AGXT: variants seen among roughly 807,000 people sequenced by gnomAD.
AGXT encodes the protein L-alanine: glyoxylate aminotransferase 1.
A neutral mutation model predicts 46.9 loss-of-function variants in AGXT; 41 were observed. The ratio of observed to expected loss-of-function variants is 0.88; its 90% CI spans 0.68 to 1.14. The LOEUF is 1.14. Among genes scored for constraint, AGXT ranks in the 50% most tolerant of loss-of-function variants. AGXT has a pLI of 0.00. For synonymous variants in AGXT, 244 were observed against 227.9 expected (o/e 1.07, Z -0.64); for missense variants, 525 against 522.7 (o/e 1.00, Z -0.04).
At chr2:240,873,501 AGGGGC>A in intron 5 of AGXT, 1 of 258,436 alleles carries the variant, frequency 3.9e-6, no homozygotes, top group Non-Finnish European at 7.5e-6. Flanking sequence ...AGGCCGGCCG[AGGGGC>A]CAAGGAGCCT....
In AGXT at chr2:240,871,039, C is replaced by T. The variant is rs2058987962; in HGVS notation, c.424-310C>T. 8.7e-6 allele frequency: 5 copies of T among 577,278 alleles called. No homozygotes were observed. In the South Asian group the frequency reaches 1.0e-4, roughly 12 times the overall value. The allele number at this position is 577,278 out of a possible 1,614,324, so 35.8% of individuals were successfully genotyped here. ...GTCCCTGACACTCAGGATACCCCAC[C>T]CTGTGGGCTGAAGTCAACCTCAGCC... On this transcript the variant is annotated intron_variant, in intron 3 of 10. Transcript: ENST00000307503.
At chr2:240,874,958 AC>A in intron 6 of AGXT, 150 bp from the exon 7 acceptor site, 2 of 685,630 alleles carry the variant, frequency 2.9e-6, no homozygotes, top group South Asian at 3.2e-5. Flanking sequence ...ACCCGGTCCC[AC>A]TCTGGCCCCT....
rs1261880868 is a variant in AGXT, at chr2:240,876,020, T to C, written c.846+16T>C. The C allele has an allele frequency of 3.1e-6, 5 of 1,613,188 alleles. No homozygotes were observed. The Admixed American group carries it at 8.3e-5, about 27-fold the overall frequency. On this transcript the variant is annotated intron_variant, in intron 8 of 10. Transcript: ENST00000307503. ...TGCGGAACAGGTGCATGGGCTGCAC[T>C]CCACAGGAGGAGACAGGGCCACTGG...
rs180177247 is a variant in AGXT, at chr2:240,873,994, C to A, written c.612C>A (p.Tyr204Ter). Residue 204 changes from tyrosine (Y) to a stop codon, truncating the protein, a stop_gained, in exon 6 of 11, where the codon TAC (tyrosine) becomes TAA (stop). Coordinates refer to ENST00000307503, the MANE Select transcript of AGXT (RefSeq NM_000030.3). LOFTEE classifies it high-confidence loss of function. The part of the protein sequence containing the change: ...YMDRQGIDIL[Y>*]SGSQKALNAP... ...CATCTACAGGCATCGACATCCTGTA[C>A]TCGGGCTCCCAGAAGGCCCTGAACG... is the stretch of plus-strand genomic sequence containing the variant. 1 of 1,613,712 alleles carries A rather than the reference C, an allele frequency of 6.2e-7. No homozygotes were observed. Among genetic ancestry groups the A allele is most frequent in the Non-Finnish European group, 8.5e-7 (1 of 1,180,012 alleles).
rs2059022992 is a variant in AGXT at position 240,876,018 on chromosome 2, A to T, written c.846+14A>T. ...ATTGCGGAACAGGTGCATGGGCTGC[A>T]CTCCACAGGAGGAGACAGGGCCACT... On this transcript the variant is annotated intron_variant, in intron 8 of 10. Transcript: ENST00000307503. 1 of 1,613,332 alleles carries T rather than the reference A, an allele frequency of 6.2e-7. No homozygotes were observed. The highest frequency in any genetic ancestry group is 1.7e-5 in the Admixed American group (1 of 59,962).
At position 240,879,128 on chromosome 2, in the gene AGXT, G is replaced by A. The variant is rs2059044090; in HGVS notation, c.*307G>A. 2.0e-6 allele frequency: 1 copy of A among 495,872 alleles called. No individual in the cohort carries two copies. Among genetic ancestry groups the A allele is most frequent in the African/African-American group, 1.9e-5 (1 of 51,504 alleles). The allele number at this position is 495,872 out of a possible 1,614,324, so 30.7% of individuals were successfully genotyped here. ...CTGGCCAACTCTCCTCACTGTGTGG[G>A]GTGGTCTGTGAAAGAGTGAGAGGAG... On this transcript the variant is annotated 3_prime_UTR_variant, in exon 11 of 11. Coordinates refer to ENST00000307503, the MANE Select transcript of AGXT (RefSeq NM_000030.3).
intron 8 of AGXT, chr2:240,877,193 G>C (rs748393751): frequency 2.1e-6 from 1 of 485,248 alleles, no homozygotes; most frequent in South Asian, 1.7e-5. Context: ...AGCACCCTGA[G>C]CCCTGGCCCT....
intron 8 of AGXT, among the ~76,000 whole-genome samples, chr2:240,876,294 G>A (rs573640191): frequency 6.6e-6 from 1 of 152,220 alleles, no homozygotes; most frequent in South Asian, 2.1e-4. Context: ...TGGGTGGGCT[G>A]GGAGAAGGGG....
intron 3 of AGXT, 189 bp from the exon 4 acceptor site, chr2:240,871,160 T>C: frequency 3.1e-6 from 2 of 639,660 alleles, no homozygotes; most frequent in Non-Finnish European, 5.6e-6. Context: ...ACCAAAGTCC[T>C]GTTCTTGGAA....
intron 9 of AGXT, 99 bp downstream of exon 9, chr2:240,877,731 AG>A: frequency 7.4e-7 from 1 of 1,354,664 alleles, no homozygotes; most frequent in Non-Finnish European, 1.0e-6. Context: ...CCTGAGAAGG[AG>A]GGGGCGGCTG....
intron 7 of AGXT, 93 bp downstream of exon 7, chr2:240,875,297 C>G: frequency 9.0e-7 from 1 of 1,110,396 alleles, no homozygotes; most frequent in South Asian, 1.3e-5. Context: ...ATTCTCCAAG[C>G]CCCCCACCTT....
intron 8 of AGXT, 102 bp downstream of exon 8, chr2:240,876,106 G>A (rs1005753736): frequency 1.2e-5 from 16 of 1,375,942 alleles, no homozygotes; most frequent in Non-Finnish European, 1.5e-5. Flanking sequence ...AGAGAAAAGG[G>A]AGCCTGCCAG....
At chr2:240,873,426 G>A (rs923314046) in intron 5 of AGXT, 27 of 301,628 alleles carry the variant, frequency 9.0e-5, no homozygotes, top group Non-Finnish European at 1.5e-4. Flanking sequence ...TCTGCCCTGC[G>A]CCCTGCCAGG....
In AGXT at chr2:240,878,796, A is replaced by T. The variant is rs771716822; in HGVS notation, c.1154A>T (p.Gln385Leu). Residue 385 changes from glutamine to leucine, a missense_variant, in exon 11 of 11, where the codon CAG becomes CTG. Gln to Leu is a moderately radical substitution (Grantham distance 113). Transcript: ENST00000307503. Reference sequence around the variant, plus strand: ...ACGGAGGCCCTGAGGGCGGCCCTGCAGCACTGCCCCAAGAAGAAGCTGTGA... The same window carrying T: ...ACGGAGGCCCTGAGGGCGGCCCTGCTGCACTGCCCCAAGAAGAAGCTGTGA... ...RVTEALRAALQHCPKKKL is the reference protein window; with the variant it reads ...RVTEALRAALLHCPKKKL 22 of 1,594,424 alleles carry T rather than the reference A, an allele frequency of 1.4e-5. No individual in the cohort carries two copies. The highest frequency in any genetic ancestry group is 1.8e-5 in the Non-Finnish European group (21 of 1,173,616).
In AGXT at chr2:240,878,806, C is replaced by T. The variant is rs750440478; in HGVS notation, c.1164C>T (p.Pro388=). 1.3e-6 allele frequency: 2 copies of T among 1,593,198 alleles called. No individual in the cohort carries two copies. The highest frequency in any genetic ancestry group is 1.8e-5 in the Admixed American group (1 of 56,860). Residue 388 remains proline, a synonymous_variant, in exon 11 of 11, where the codon CCC becomes CCT. Coordinates refer to ENST00000307503, the MANE Select transcript of AGXT (RefSeq NM_000030.3). The stretch of plus-strand genomic sequence containing the variant: ...TGAGGGCGGCCCTGCAGCACTGCCC[C>T]AAGAAGAAGCTGTGACCTGCCCACT... The part of the protein sequence containing the change: ...EALRAALQHC[P]KKKL
rs2058997515 is a variant in AGXT at position 240,872,463 on chromosome 2, C to CGTGAACATGCAGCAGGAGGGT, written c.525-515_525-514insTGAACATGCAGCAGGAGGGTG. 7.3e-3 allele frequency among the ~76,000 whole-genome samples: 300 copies of CGTGAACATGCAGCAGGAGGGT among 40,986 alleles called. 12 individuals carry two copies. Among genetic ancestry groups the CGTGAACATGCAGCAGGAGGGT allele is most frequent in the African/African-American group, 0.016 (174 of 11,020 alleles). The allele number at this position is 40,986 out of a possible 152,430, so 26.9% of individuals were successfully genotyped here. A position where few individuals can be genotyped will look rare whatever the true frequency, so the allele number is the denominator to read the frequency against. ...TCGTGAACATGCAGGAGGAGGAGGGCGAGAGTTCGTGAACATGGAGGCGGA... is the reference window on the plus strand; with the variant it reads ...TCGTGAACATGCAGGAGGAGGAGGGCGTGAACATGCAGCAGGAGGGTGAGAGTTCGTGAACATGGAGGCGGA... On this transcript the variant is annotated intron_variant, in intron 4 of 10. Coordinates refer to ENST00000307503, the MANE Select transcript of AGXT (RefSeq NM_000030.3).
chr2:240,878,221 A>G, intron 10 of AGXT, 71 bp downstream of exon 10: 1 of 1,595,192 alleles, frequency 6.3e-7, no homozygotes, highest in Non-Finnish European at 8.5e-7. Context: ...AGGACTGTGC[A>G]CCAGGTGCAG....
chr2:240,877,113 G>A (rs904143079), intron 8 of AGXT: 3 of 361,360 alleles, frequency 8.3e-6, no homozygotes, highest in Non-Finnish European at 1.7e-5. Context: ...CAGAGCTGAG[G>A]CAGGAGCAGT....
Position 240,875,957 on chromosome 2 carries a change from A to G in AGXT, c.799A>G (p.Ile267Val), listed in dbSNP as rs1246719671. 3 of 1,614,182 alleles carry G rather than the reference A, an allele frequency of 1.9e-6. No individual in the cohort carries two copies. The highest frequency in any genetic ancestry group is 2.2e-5 in the East Asian group (1 of 44,884). The change falls in exon 8 of 11, where the codon ATC (isoleucine) becomes GTC (valine). Residue 267 changes from isoleucine to valine, a missense_variant. Ile to Val is a conservative substitution (Grantham distance 29). Transcript: ENST00000307503. ...PRMYHHTIPV[I>V]SLYSLRESLA... ...CAGGTACCATCACACAATCCCCGTCATCAGCCTGTACAGCCTGAGAGAGAG... is the reference window on the plus strand; with the variant it reads ...CAGGTACCATCACACAATCCCCGTCGTCAGCCTGTACAGCCTGAGAGAGAG...
Sources: gnomAD v4.1 joint callset for allele counts (sites outside exome capture counted in the v4.1 genomes callset) on GRCh38, gnomAD v4.1.1 for gene constraint, MANE v1.5 for transcripts, NCBI Gene and HGNC (gene_info 2026-07-23, HGNC 2026-07-21) for gene names.